ESRRB: variants seen among roughly 807,000 people sequenced by gnomAD.
The protein encoded by ESRRB is estrogen related receptor beta, also known as steroid hormone receptor ERR2.
Under a neutral mutation model 46.0 loss-of-function variants are expected in ESRRB, and 16 were observed. The observed-to-expected ratio is 0.35, with a 90% CI of 0.24 to 0.53. ESRRB has a LOEUF of 0.53. Ranked by LOEUF, ESRRB falls within the 20% of genes least tolerant of loss-of-function variation. The pLI is 0.93. For missense variants in ESRRB, 488 were observed against 607.4 expected (o/e 0.80, Z 2.07); for synonymous variants, 246 against 259.6 (o/e 0.95, Z 0.50).
chr14:76,467,772 A>T (rs145626314), intron 3 of ESRRB, among the ~76,000 whole-genome samples: 1 of 152,184 alleles, frequency 6.6e-6, no homozygotes, highest in East Asian at 1.9e-4. Flanking sequence ...GAAAACCACT[A>T]GCTGCATTTC....
At chr14:76,332,835 TTA>T (rs1884049773) in intron 1 of ESRRB, among the ~76,000 whole-genome samples, 1 of 30,088 alleles carries the variant, frequency 3.3e-5, no homozygotes, top group Non-Finnish European at 5.7e-5. Flanking sequence ...TATTTATATA[TTA>T]TATATTTATA....
Position 76,500,106 on chromosome 14 carries a change from C to A in ESRRB, c.*1648C>A, listed in dbSNP as rs1317918667. On this transcript the variant is annotated 3_prime_UTR_variant, in exon 7 of 7. Coordinates refer to ENST00000644823, the MANE Select transcript of ESRRB (RefSeq NM_001379180.1). ...CTTTTCCATAGAAGCCCTGGTCCCA[C>A]CTCCTTGGCTCTACCCCAGGAACCT... is the stretch of plus-strand genomic sequence containing the variant. The A allele has an allele frequency of 1.3e-6, 2 of 1,511,530 alleles. No homozygotes were observed. The highest frequency in any genetic ancestry group is 1.8e-6 in the Non-Finnish European group (2 of 1,115,584). The allele number at this position is 1,511,530 out of a possible 1,614,324, so 93.6% of individuals were successfully genotyped here. A position where few individuals can be genotyped will look rare whatever the true frequency, so the allele number is the denominator to read the frequency against.
chr14:76,317,929 G>A (rs572605069), intron 1 of ESRRB, among the ~76,000 whole-genome samples: 8 of 152,264 alleles, frequency 5.3e-5, no homozygotes, highest in African/African-American at 1.9e-4. Context: ...CCAAGGCCTT[G>A]GGCCCAGATG....
chr14:76,467,923 C>T (rs945783871), intron 3 of ESRRB, among the ~76,000 whole-genome samples: 1 of 152,192 alleles, frequency 6.6e-6, no homozygotes, highest in South Asian at 2.1e-4. Flanking sequence ...ATTTCTCCCC[C>T]ACTCAGCCCC....
chr14:76,392,149 G>A (rs897203139), intron 1 of ESRRB, among the ~76,000 whole-genome samples: 1 of 152,196 alleles, frequency 6.6e-6, no homozygotes, highest in Non-Finnish European at 1.5e-5. Flanking sequence ...GCCTCCAGGC[G>A]CTGCCCTGGC....
chr14:76,334,397 C>T (rs1379685965), intron 1 of ESRRB, among the ~76,000 whole-genome samples: 1 of 152,118 alleles, frequency 6.6e-6, no homozygotes, highest in Non-Finnish European at 1.5e-5. Context: ...GGCGGAGGGC[C>T]CAGTGTACCC....
Position 76,498,928 on chromosome 14 carries a change from C to T in ESRRB, c.*470C>T, listed in dbSNP as rs950595120. 6.0e-6 allele frequency: 3 copies of T among 500,040 alleles called. No homozygotes were observed. Among genetic ancestry groups the T allele is most frequent in the African/African-American group, 2.0e-5 (1 of 51,242 alleles). The allele number at this position is 500,040 out of a possible 1,614,324, so 31.0% of individuals were successfully genotyped here. A position where few individuals can be genotyped will look rare whatever the true frequency, so the allele number is the denominator to read the frequency against. On this transcript the variant is annotated 3_prime_UTR_variant, in exon 7 of 7. Transcript: ENST00000644823. Reference sequence around the variant, plus strand: ...CAGAGGGCAGGTACGCAAGGGACAACAGTATCTTTCTTCCAGAGGTCCTAC... The same window carrying T: ...CAGAGGGCAGGTACGCAAGGGACAATAGTATCTTTCTTCCAGAGGTCCTAC...
chr14:76,389,504 T>TG (rs1239193581), intron 1 of ESRRB, among the ~76,000 whole-genome samples: 7 of 152,172 alleles, frequency 4.6e-5, no homozygotes, highest in African/African-American at 1.7e-4. Context: ...AAGAAGGGCC[T>TG]GGGAAGAGGT....
chr14:76,417,874 G>C (rs1886771722), intron 1 of ESRRB, among the ~76,000 whole-genome samples: 1 of 152,114 alleles, frequency 6.6e-6, no homozygotes, highest in Non-Finnish European at 1.5e-5. Context: ...CGTGAGGACA[G>C]GTGGGCGGTG....
chr14:76,349,141 G>A (rs779150336), intron 1 of ESRRB, among the ~76,000 whole-genome samples: 17 of 152,210 alleles, frequency 1.1e-4, no homozygotes, highest in Non-Finnish European at 1.9e-4. Flanking sequence ...GTGAGTCAGC[G>A]CATCCGGACA....
intron 1 of ESRRB, among the ~76,000 whole-genome samples, chr14:76,392,284 G>T (rs1349642113): frequency 6.6e-6 from 1 of 152,244 alleles, no homozygotes; most frequent in Admixed American, 6.5e-5. Flanking sequence ...GCATATCCGA[G>T]AAACAGTGTC....
chr14:76,323,955 A>G (rs1883898068), intron 1 of ESRRB, among the ~76,000 whole-genome samples: 1 of 150,596 alleles, frequency 6.6e-6, no homozygotes, highest in Non-Finnish European at 1.5e-5. Context: ...CTGCCTGGTG[A>G]TGTTTGGCAT....
Position 76,439,036 on chromosome 14 carries a change from C to T in ESRRB, c.51-305C>T, listed in dbSNP as rs138222274. 9.4e-3 allele frequency among the ~76,000 whole-genome samples: 1,432 copies of T among 151,964 alleles called. 10 individuals are homozygous for T. Among genetic ancestry groups the T allele is most frequent in the Non-Finnish European group, 0.014 (936 of 67,942 alleles). On this transcript the variant is annotated intron_variant, in intron 1 of 6. Coordinates refer to ENST00000644823, the MANE Select transcript of ESRRB (RefSeq NM_001379180.1). ...CTGGTCTCAAACTCCTGGCTTCAAG[C>T]GATGATCCTCCCCGCTCAGCCTCTC...
intron 6 of ESRRB, among the ~76,000 whole-genome samples, chr14:76,493,225 G>A (rs145656259): frequency 5.3e-5 from 8 of 152,262 alleles, no homozygotes; most frequent in African/African-American, 1.9e-4. Context: ...TGCAATCTCG[G>A]CTCACTGCAA....
chr14:76,375,090 TATA>T (rs1394897947), upstream of ESRRB, among the ~76,000 whole-genome samples: 3 of 152,108 alleles, frequency 2.0e-5, no homozygotes, highest in African/African-American at 7.2e-5. Context: ...TTCTGCAGAA[TATA>T]GGAGAATAAG....
At chr14:76,452,281 C>T (rs547355503) in intron 2 of ESRRB, among the ~76,000 whole-genome samples, 3 of 152,040 alleles carry the variant, frequency 2.0e-5, no homozygotes, top group South Asian at 4.2e-4. Flanking sequence ...CCGTCCAAAC[C>T]AAGATCAGGG....
intron 1 of ESRRB, among the ~76,000 whole-genome samples, chr14:76,322,399 C>T (rs1044669489): frequency 1.1e-4 from 17 of 152,308 alleles, no homozygotes; most frequent in Admixed American, 8.5e-4. Context: ...AAAGTGGCTG[C>T]GTCGCCAGGA....
intron 1 of ESRRB, among the ~76,000 whole-genome samples, chr14:76,362,420 A>G (rs942428112): frequency 6.6e-6 from 1 of 152,192 alleles, no homozygotes; most frequent in African/African-American, 2.4e-5. Flanking sequence ...GTGTATCATG[A>G]TGCTGTTTGA....
At chr14:76,424,435 G>GTCCTACATA (rs1887110969) in intron 1 of ESRRB, among the ~76,000 whole-genome samples, 1 of 152,104 alleles carries the variant, frequency 6.6e-6, no homozygotes, top group African/African-American at 2.4e-5. Flanking sequence ...GTCCTGGTGT[G>GTCCTACATA]CACAAGGCTA....
Sources: allele counts gnomAD v4.1 joint callset (sites outside exome capture counted in the v4.1 genomes callset), GRCh38; gene constraint gnomAD v4.1.1; transcripts MANE v1.5; gene names NCBI Gene and HGNC (gene_info 2026-07-23, HGNC 2026-07-21).